The following PEX5L variants were observed in gnomAD, a reference collection of about 807,000 sequenced individuals.
PEX5L encodes PEX5-related protein.
A neutral mutation model predicts 84.0 loss-of-function variants in PEX5L; 30 were observed. That is an observed-to-expected ratio of 0.36 (90% CI 0.27 to 0.48). PEX5L has a LOEUF of 0.48. Among genes scored for constraint, PEX5L ranks in the 20% least tolerant of loss-of-function variants. The pLI, the probability that PEX5L is intolerant of heterozygous loss-of-function variation, is 0.99. For synonymous variants in PEX5L, 270 were observed against 283.1 expected (o/e 0.95, Z 0.46); for missense variants, 533 against 754.6 (o/e 0.71, Z 3.44).
At position 179,807,828 on chromosome 3, in the gene PEX5L, A is replaced by G. The variant is rs764747944; in HGVS notation, c.1522T>C (p.Tyr508His). 9 of 1,612,476 alleles carry G rather than the reference A, an allele frequency of 5.6e-6. No individual in the cohort carries two copies. The South Asian group carries it at 7.7e-5, about 14-fold the overall frequency. Residue 508 changes from tyrosine (Y) to histidine (H), a missense_variant, in exon 14 of 15, where the codon TAT (tyrosine) becomes CAT (histidine). Physicochemically the swap from Tyr to His is moderately conservative, Grantham distance 83. This residue lies in a region of PEX5L where 105 missense variants were observed against 204.6 expected (regional missense o/e 0.51). Coordinates refer to ENST00000467460, the MANE Select transcript of PEX5L (RefSeq NM_016559.3). ...GCCCCGAGGCGGTTCCATAGTGAATAGTCCTGATGACAAAATCAGAACTTT... is the reference window on the plus strand; with the variant it reads ...GCCCCGAGGCGGTTCCATAGTGAATGGTCCTGATGACAAAATCAGAACTTT... ...NAALTVRPED[Y>H]SLWNRLGATL...
At chr3:179,977,013 C>A (rs1175811483) in intron 1 of PEX5L, among the ~76,000 whole-genome samples, 1 of 152,088 alleles carries the variant, frequency 6.6e-6, no homozygotes, top group Admixed American at 6.5e-5. Flanking sequence ...TTTATTAATA[C>A]AATTTTGTGC....
In PEX5L at chr3:179,879,938, A is replaced by G. The variant is rs969361839; in HGVS notation, c.496T>C (p.Leu166=). ...QPLRVPETSS[L]DLDIQTQLEK... is the part of the protein sequence containing the mutation. ...CAAGCGATTGCCTTACCTAGATCTA[A>G]GGATGAAGTCTCCGGGACTCTGAGA... Residue 166 remains leucine, a synonymous_variant, in exon 5 of 15, where the codon TTA becomes CTA. Coordinates refer to ENST00000467460, the MANE Select transcript of PEX5L (RefSeq NM_016559.3). The G allele has an allele frequency of 6.3e-7, 1 of 1,586,012 alleles. No homozygotes were observed. Among genetic ancestry groups the G allele is most frequent in the Non-Finnish European group, 8.5e-7 (1 of 1,169,752 alleles).
chr3:179,911,368 G>C (rs1759414804), intron 2 of PEX5L, among the ~76,000 whole-genome samples: 1 of 152,104 alleles, frequency 6.6e-6, no homozygotes, highest in South Asian at 2.1e-4. Flanking sequence ...AGGGAAACAA[G>C]GAGTTTGAGA....
intron 8 of PEX5L, among the ~76,000 whole-genome samples, chr3:179,850,699 T>A (rs1461998118): frequency 1.3e-5 from 2 of 152,228 alleles, no homozygotes; most frequent in Non-Finnish European, 2.9e-5. Context: ...AGCAGTTAAC[T>A]TCAAGATTTC....
At chr3:179,914,389 T>G (rs1001503132) in intron 2 of PEX5L, among the ~76,000 whole-genome samples, 1 of 152,252 alleles carries the variant, frequency 6.6e-6, no homozygotes, top group African/African-American at 2.4e-5. Flanking sequence ...GGCTGTTTCC[T>G]TCACTTGGAA....
intron 1 of PEX5L, among the ~76,000 whole-genome samples, chr3:180,022,554 C>T (rs951663492): frequency 2.0e-5 from 3 of 152,100 alleles, no homozygotes; most frequent in Non-Finnish European, 2.9e-5. Flanking sequence ...TGGTTAACTA[C>T]CTTATTAATG....
intron 1 of PEX5L, among the ~76,000 whole-genome samples, chr3:179,977,517 G>A (rs988797161): frequency 6.6e-6 from 1 of 152,044 alleles, no homozygotes; most frequent in African/African-American, 2.4e-5. Flanking sequence ...AATATCCACA[G>A]TGTCAACACA....
chr3:179,922,440 CCTTTT>C (rs1211162490), intron 2 of PEX5L, among the ~76,000 whole-genome samples: 2 of 129,328 alleles, frequency 1.5e-5, no homozygotes, highest in African/African-American at 5.7e-5. Context: ...TTCACTGCTT[CCTTTT>C]CTTTTCTTTT....
At chr3:179,943,640 C>T (rs1241145364) in intron 2 of PEX5L, among the ~76,000 whole-genome samples, 1 of 152,176 alleles carries the variant, frequency 6.6e-6, no homozygotes, top group African/African-American at 2.4e-5. Flanking sequence ...TTTTATTCCA[C>T]CACGTGGAGA....
At chr3:179,962,080 G>T (rs375021124) in intron 2 of PEX5L, among the ~76,000 whole-genome samples, 1 of 51,342 alleles carries the variant, frequency 1.9e-5, no homozygotes, top group Non-Finnish European at 4.4e-5. Flanking sequence ...CTGGGAAGAT[G>T]TCACAAAGTT....
At chr3:179,995,397 T>C (rs1391586569) in intron 1 of PEX5L, among the ~76,000 whole-genome samples, 4 of 151,922 alleles carry the variant, frequency 2.6e-5, no homozygotes, top group Non-Finnish European at 4.4e-5. Flanking sequence ...CTGCTTAATA[T>C]GATTAGACCC....
At chr3:179,903,829 T>C (rs533288216) in intron 2 of PEX5L, among the ~76,000 whole-genome samples, 6 of 152,226 alleles carry the variant, frequency 3.9e-5, no homozygotes, top group Non-Finnish European at 8.8e-5. Context: ...GTTGGTTCTG[T>C]CTTATTTCCT....
intron 8 of PEX5L, among the ~76,000 whole-genome samples, chr3:179,852,970 A>G (rs1042240779): frequency 6.6e-6 from 1 of 152,240 alleles, no homozygotes; most frequent in Non-Finnish European, 1.5e-5. Context: ...GCATTAAAAT[A>G]ATAAATTGTT....
intron 2 of PEX5L, among the ~76,000 whole-genome samples, chr3:179,939,135 C>T (rs1448939189): frequency 6.6e-6 from 1 of 152,208 alleles, no homozygotes; most frequent in Non-Finnish European, 1.5e-5. Flanking sequence ...CTTCAGTATC[C>T]TTGTCCTGAA....
chr3:179,951,213 C>G (rs949743669), intron 2 of PEX5L, among the ~76,000 whole-genome samples: 1 of 152,172 alleles, frequency 6.6e-6, no homozygotes. Flanking sequence ...TTTCCTTGGT[C>G]ACTGACTTTA....
At chr3:179,818,827 T>C (rs1223464010) in intron 9 of PEX5L, among the ~76,000 whole-genome samples, 1 of 150,908 alleles carries the variant, frequency 6.6e-6, no homozygotes, top group African/African-American at 2.4e-5. Context: ...TGTATATATG[T>C]ACCACATTTT....
intron 8 of PEX5L, 120 bp downstream of exon 8, chr3:179,858,942 C>T (rs1268648166): frequency 1.5e-6 from 1 of 656,084 alleles, no homozygotes; most frequent in Non-Finnish European, 2.8e-6. Flanking sequence ...CAATCATAAT[C>T]ATGGCTATTT....
rs1462746650 is a variant in PEX5L, at chr3:179,912,022, T to C, written c.94-13776A>G. Among the ~76,000 whole-genome samples, 21 of 152,174 alleles carry C rather than the reference T, an allele frequency of 1.4e-4. 1 individual carries two copies. The highest frequency in any genetic ancestry group is 1.4e-3 in the Admixed American group (21 of 15,258). Reference sequence around the variant, plus strand: ...TTATAAATAGGCATCACATATCTTGTTTCCAATTTGGAAAGACTAGAACAC... The same window carrying C: ...TTATAAATAGGCATCACATATCTTGCTTCCAATTTGGAAAGACTAGAACAC... On this transcript the variant is annotated intron_variant, in intron 2 of 14. Coordinates refer to ENST00000467460, the MANE Select transcript of PEX5L (RefSeq NM_016559.3).
intron 1 of PEX5L, among the ~76,000 whole-genome samples, chr3:179,994,130 T>C (rs751835134): frequency 7.2e-5 from 11 of 152,232 alleles, no homozygotes; most frequent in Non-Finnish European, 1.5e-4. Context: ...TTCAGGTTTT[T>C]AGATCAGTTT....
Sources: allele counts gnomAD v4.1 joint callset (sites outside exome capture counted in the v4.1 genomes callset), GRCh38; gene constraint gnomAD v4.1.1; regional missense constraint gnomAD v4.1.1; transcripts MANE v1.5; gene names NCBI Gene and HGNC (gene_info 2026-07-23, HGNC 2026-07-21).